Variants in TNFAIP3 observed in about 807,000 individuals in gnomAD.
TNFAIP3 encodes the protein TNF alpha induced protein 3.
TNFAIP3 carries 9 observed loss-of-function variants against 72.4 expected under a neutral mutation model. The ratio of observed to expected loss-of-function variants is 0.12; its 90% CI spans 0.07 to 0.22. The LOEUF (loss-of-function observed/expected upper bound fraction) is 0.22. Among genes scored for constraint, TNFAIP3 ranks in the 10% least tolerant of loss-of-function variants. The pLI is 1.00. For missense variants in TNFAIP3, 833 were observed against 1,018.7 expected, an observed-to-expected ratio of 0.82 and a Z score of 2.48; for synonymous variants, 339 against 372.6, an observed-to-expected ratio of 0.91 and a Z score of 1.04.
rs1241729020 is a variant in TNFAIP3, at chr6:137,867,971, GGCGTAGGGTACC to G, written c.-16+432_-16+443del. 17 of 152,786 alleles carry G rather than the reference GGCGTAGGGTACC, an allele frequency of 1.1e-4. No individual in the cohort carries two copies. The highest frequency in any genetic ancestry group is 3.8e-4 in the African/African-American group (16 of 41,574). 9.5% of individuals were successfully genotyped at this position (152,786 alleles called of 1,614,324 possible). On this transcript the variant is annotated intron_variant, in intron 1 of 8. Transcript: ENST00000612899. This position sits in a 1 kb window ranked among gnomAD's most constrained non-coding sequence, Gnocchi z 6.0. The stretch of plus-strand genomic sequence containing the variant: ...AAATTGTGCAGGACCAGCCCGACGG[GGCGTAGGGTACC>G]GCAGTGGCCGCCAGCCCGGCGGAGG...
Position 137,871,221 on chromosome 6 carries a change from G to A in TNFAIP3, c.-7G>A, listed in dbSNP as rs2114456944. 6.2e-7 allele frequency: 1 copy of A among 1,603,032 alleles called. No individual in the cohort carries two copies. The highest frequency in any genetic ancestry group is 1.1e-5 in the South Asian group (1 of 89,618). On this transcript the variant is annotated 5_prime_UTR_variant, in exon 2 of 9. Coordinates refer to ENST00000612899, the MANE Select transcript of TNFAIP3 (RefSeq NM_001270508.2). This position sits in a 1 kb window ranked among gnomAD's most constrained non-coding sequence, Gnocchi z 4.2. Reference sequence around the variant, plus strand: ...TTTCCTTTCCTTTTCAGGTGTTGGAGAGCACAATGGCTGAACAAGTCCTTC... The same window carrying A: ...TTTCCTTTCCTTTTCAGGTGTTGGAAAGCACAATGGCTGAACAAGTCCTTC...
Position 137,881,082 on chromosome 6 carries a change from A to G in TNFAIP3, c.2136A>G (p.Ser712=), listed in dbSNP as rs753658407. ...TGCCTCGAACCACACAAAGCACCTC[A>G]AGGCCCAAGTGCGCCCGGGCCTCCT... ...RDVPRTTQST[S]RPKCARASCK... Residue 712 remains serine, a synonymous_variant, in exon 9 of 9, where the codon TCA becomes TCG. Transcript: ENST00000612899. The surrounding 1 kb of genome is among the most constrained non-coding windows in gnomAD (Gnocchi z 5.0). The G allele has an allele frequency of 6.2e-7, 1 of 1,613,810 alleles. No homozygotes were observed. Among genetic ancestry groups the G allele is most frequent in the Middle Eastern group, 1.7e-4 (1 of 6,060 alleles).
In TNFAIP3 at chr6:137,881,640, C is replaced by T. The variant is rs1316663014; in HGVS notation, c.*321C>T. 6 of 313,858 alleles carry T rather than the reference C, an allele frequency of 1.9e-5. No individual in the cohort carries two copies. Among genetic ancestry groups the T allele is most frequent in the South Asian group, 1.3e-4 (1 of 7,802 alleles). The allele number at this position is 313,858 out of a possible 1,614,324, so 19.4% of individuals were successfully genotyped here. A position where few individuals can be genotyped will look rare whatever the true frequency, so the allele number is the denominator to read the frequency against. On this transcript the variant is annotated 3_prime_UTR_variant, in exon 9 of 9. Coordinates refer to ENST00000612899, the MANE Select transcript of TNFAIP3 (RefSeq NM_001270508.2). The surrounding 1 kb of genome is among the most constrained non-coding windows in gnomAD (Gnocchi z 5.0). ...AGGTGTGCGGGGACTGGCCGAGGCC[C>T]CTGCACCCTGCGCATCAGGACTGCT...
At chr6:137,875,966 C>T (rs547067487) in intron 4 of TNFAIP3, 30 bp from the exon 5 acceptor site, 1 of 1,605,588 alleles carries the variant, frequency 6.2e-7, no homozygotes, top group Non-Finnish European at 8.5e-7. Context: ...CACCTAAGGG[C>T]CTCATTTTCC....
intron 2 of TNFAIP3, among the ~76,000 whole-genome samples, chr6:137,873,825 G>A (rs1480273389): frequency 6.6e-6 from 1 of 151,958 alleles, no homozygotes; most frequent in Non-Finnish European, 1.5e-5. Flanking sequence ...AGGGTTTTTT[G>A]GTTTCTTTAC....
chr6:137,875,115 G>A, intron 3 of TNFAIP3, 80 bp downstream of exon 3: 3 of 1,507,706 alleles, frequency 2.0e-6, no homozygotes, highest in East Asian at 2.3e-5. Context: ...CCTGCCCTCT[G>A]GTAGCATCTG....
rs762612801 is a variant in TNFAIP3 at position 137,881,490 on chromosome 6, C to A, written c.*171C>A. 2.1e-4 allele frequency: 116 copies of A among 559,428 alleles called. No individual in the cohort carries two copies. Among genetic ancestry groups the A allele is most frequent in the Middle Eastern group, 1.0e-3 (2 of 1,984 alleles). The allele number at this position is 559,428 out of a possible 1,614,324, so 34.7% of individuals were successfully genotyped here. On this transcript the variant is annotated 3_prime_UTR_variant, in exon 9 of 9. Coordinates refer to ENST00000612899, the MANE Select transcript of TNFAIP3 (RefSeq NM_001270508.2). The surrounding 1 kb of genome is among the most constrained non-coding windows in gnomAD (Gnocchi z 5.0). ...TGCCCACGATGCTCAGGTTTGGTAA[C>A]CCGGGAGTGTTCCCAGGTGGCCTTA...
rs750716064 is a variant in TNFAIP3, at chr6:137,875,013, C to T, written c.464C>T (p.Thr155Met). ...ESLKSQEFVE[T>M]GLCYDTRNWN... ...CTCAAATCTCAGGAATTTGTTGAAA[C>T]GGGGCTTTGCTATGATACTCGGGTA... The change falls in exon 3 of 9, where the codon ACG (threonine) becomes ATG (methionine). Residue 155 changes from threonine (T) to methionine (M), a missense_variant. Transcript: ENST00000612899. 3.6e-5 allele frequency: 58 copies of T among 1,614,058 alleles called. No homozygotes were observed. Among genetic ancestry groups the T allele is most frequent in the Admixed American group, 5.0e-5 (3 of 60,002 alleles).
In TNFAIP3 at chr6:137,881,011, G is replaced by A. The variant is rs1776432588; in HGVS notation, c.2089-24G>A. The A allele has an allele frequency of 6.4e-7, 1 of 1,560,810 alleles. No homozygotes were observed. Among genetic ancestry groups the A allele is most frequent in the African/African-American group, 1.4e-5 (1 of 73,066 alleles). ...AGCAATAGTTTCCTGACTTTTTAAT[G>A]ATCTGCCTGTTCTTTCCACTCAGAG... On this transcript the variant is annotated intron_variant, in intron 8 of 8. Transcript: ENST00000612899. This position sits in a 1 kb window ranked among gnomAD's most constrained non-coding sequence, Gnocchi z 5.0.
rs532345041 is a variant in TNFAIP3, at chr6:137,875,162, T to C, written c.486+127T>C. The C allele has an allele frequency of 1.8e-5, 20 of 1,111,226 alleles. No individual in the cohort carries two copies. In the African/African-American group the frequency reaches 3.0e-4, roughly 17 times the overall value. The allele number at this position is 1,111,226 out of a possible 1,614,324, so 68.8% of individuals were successfully genotyped here. ...CACATGAATTTGGCTAAGCGAAGCA[T>C]ACTCAATGGAAAACACCAGAAACCT... On this transcript the variant is annotated intron_variant, in intron 3 of 8. Coordinates refer to ENST00000612899, the MANE Select transcript of TNFAIP3 (RefSeq NM_001270508.2).
rs5029947 is a variant in TNFAIP3 at position 137,875,680 on chromosome 6, C to G, written c.487-8C>G. The G allele has an allele frequency of 4.0e-3, 6,529 of 1,613,456 alleles. 95 individuals carry two copies. The African/African-American group carries it at 0.047, about 12-fold the overall frequency. On this transcript the variant is annotated splice_polypyrimidine_tract_variant and splice_region_variant and intron_variant, in intron 3 of 8. Transcript: ENST00000612899. ...ATTCAAGCTTTTTTTTCACCCCGCT[C>G]CCCTTAGAACTGGAATGATGAATGG...
intron 7 of TNFAIP3, 129 bp downstream of exon 7, chr6:137,879,480 C>T (rs1776377102): frequency 6.2e-6 from 7 of 1,126,766 alleles, no homozygotes; most frequent in Non-Finnish European, 8.7e-6. Context: ...GCTTTTCTAC[C>T]AGCTTGTGCA....
At chr6:137,874,714 G>T in intron 2 of TNFAIP3, 131 bp from the exon 3 acceptor site, 1 of 834,298 alleles carries the variant, frequency 1.2e-6, no homozygotes, top group Non-Finnish European at 1.8e-6. Flanking sequence ...CCCTTGACTA[G>T]GAAATTACAT....
rs1391482330 is a variant in TNFAIP3, at chr6:137,871,448, A to C, written c.221A>C (p.Gln74Pro). 4 of 1,614,204 alleles carry C rather than the reference A, an allele frequency of 2.5e-6. No homozygotes were observed. The highest frequency in any genetic ancestry group is 3.3e-4 in the Middle Eastern group (2 of 6,062). ...IHKALIDRNI[Q>P]ATLESQKKLN... Reference sequence around the variant, plus strand: ...AAAGCCCTCATCGACAGAAACATCCAGGCCACCCTGGAAAGCCAGAAGAAA... The same window carrying C: ...AAAGCCCTCATCGACAGAAACATCCCGGCCACCCTGGAAAGCCAGAAGAAA... The change falls in exon 2 of 9, where the codon CAG (glutamine) becomes CCG (proline). Residue 74 changes from glutamine (Q) to proline (P), a missense_variant. Physicochemically the swap from Gln to Pro is moderately conservative, Grantham distance 76. Transcript: ENST00000612899. The surrounding 1 kb of genome is among the most constrained non-coding windows in gnomAD (Gnocchi z 4.2).
Position 137,877,225 on chromosome 6 carries a change from C to A in TNFAIP3, c.955C>A (p.His319Asn), listed in dbSNP as rs764767669. Residue 319 changes from histidine to asparagine, a missense_variant, in exon 6 of 9, where the codon CAT becomes AAT. By Grantham distance (68) the His-to-Asn change is moderately conservative (BLOSUM62 1). Transcript: ENST00000612899. ...AGAAATCCCCGTCCAAGGCTGGGAC[C>A]ATGGCACAACTCATCTCATCAATGC... ...VIEIPVQGWD[H>N]GTTHLINAAK... The A allele has an allele frequency of 6.2e-7, 1 of 1,612,818 alleles. No individual in the cohort carries two copies. The highest frequency in any genetic ancestry group is 8.5e-7 in the Non-Finnish European group (1 of 1,179,498).
At chr6:137,866,556 G>C (rs1775841751), upstream of TNFAIP3, 1 of 152,484 alleles carries the variant, frequency 6.6e-6, no homozygotes. Flanking sequence ...GCATAGGGGT[G>C]AGTGTTGTTC....
chr6:137,877,057 GTATTA>G lies in TNFAIP3; in HGVS notation c.806-17_806-13del. On this transcript the variant is annotated splice_polypyrimidine_tract_variant and intron_variant, in intron 5 of 8. Transcript: ENST00000612899. ...TTTAGTAGAATACTGTTTTACTTAT[GTATTA>G]TTTTTTTCCTTAGAAATCCGAGCTG... 6.4e-7 allele frequency: 1 copy of G among 1,566,804 alleles called. No homozygotes were observed. Among genetic ancestry groups the G allele is most frequent in the South Asian group, 1.2e-5 (1 of 84,116 alleles).
chr6:137,873,046 CAAAT>C (rs1776113390), intron 2 of TNFAIP3, among the ~76,000 whole-genome samples: 1 of 152,048 alleles, frequency 6.6e-6, no homozygotes, highest in Admixed American at 6.5e-5. Flanking sequence ...AGCCACACTA[CAAAT>C]AAAACTACAA....
Position 137,880,120 on chromosome 6 carries a change from GA to G in TNFAIP3, c.1958del (p.Asn653ThrfsTer44), listed in dbSNP as rs1776397066. On this transcript the variant is annotated frameshift_variant, in exon 8 of 9. Transcript: ENST00000612899. LOFTEE classifies it high-confidence loss of function. ...TCAGTCCCACAGCGTCCAGGTTCCA[GA>G]ACACCATTCCGTGCCTGGGGAGGGA... is the stretch of plus-strand genomic sequence containing the variant. ...KVSPTASRFQ[N>X]TIPCLGRECG... 1 of 1,613,994 alleles carries G rather than the reference GA, an allele frequency of 6.2e-7. No individual in the cohort carries two copies. The highest frequency in any genetic ancestry group is 8.5e-7 in the Non-Finnish European group (1 of 1,180,026).
Sources: gnomAD v4.1 joint callset for allele counts (sites outside exome capture counted in the v4.1 genomes callset) on GRCh38, gnomAD v4.1.1 for gene constraint, Gnocchi (gnomAD v3.1) non-coding constraint, MANE v1.5 for transcripts, NCBI Gene and HGNC (gene_info 2026-07-23, HGNC 2026-07-21) for gene names.